The following DIP2B variants were observed in gnomAD, a reference collection of about 807,000 sequenced individuals.
DIP2B encodes the protein DIP2 acetate--CoA ligase B (putative).
A neutral mutation model predicts 198.0 loss-of-function variants in DIP2B; 76 were observed. The ratio of observed to expected loss-of-function variants is 0.38; its 90% CI spans 0.32 to 0.46. The LOEUF (loss-of-function observed/expected upper bound fraction) is 0.46, where lower values mean the gene tolerates loss of function less well. Ranked by LOEUF, DIP2B falls within the 20% of genes least tolerant of loss-of-function variation. The pLI is 0.99. For synonymous variants in DIP2B, 701 were observed against 739.1 expected, an observed-to-expected ratio of 0.95 and a Z score of 0.84; for missense variants, 1,559 against 1,978.4, an observed-to-expected ratio of 0.79 and a Z score of 4.02.
chr12:50,726,419 C>T (rs111299924), intron 28 of DIP2B, among the ~76,000 whole-genome samples: 40,460 of 151,342 alleles, frequency 0.27, 5,929 homozygotes, highest in Non-Finnish European at 0.34. Context: ...GGCGCGATCT[C>T]GGCTCACTGC....
chr12:50,744,912 C>T lies in DIP2B; in HGVS notation c.*73C>T, dbSNP rs1396656991. 6.5e-7 allele frequency: 1 copy of T among 1,542,494 alleles called. No homozygotes were observed. Among genetic ancestry groups the T allele is most frequent in the African/African-American group, 1.4e-5 (1 of 73,080 alleles). On this transcript the variant is annotated 3_prime_UTR_variant, in exon 38 of 38. Coordinates refer to ENST00000301180, the MANE Select transcript of DIP2B (RefSeq NM_173602.3). ...CAGAAGACCTCTGGCTAAGAGCAGG[C>T]TTCAAACGATGTGAAATAAGCTGAG...
chr12:50,671,809 C>T (rs1234192826), intron 5 of DIP2B, among the ~76,000 whole-genome samples: 2 of 152,232 alleles, frequency 1.3e-5, no homozygotes, highest in Admixed American at 1.3e-4. Context: ...AAAATCTATA[C>T]TGAGCCAATA....
intron 1 of DIP2B, among the ~76,000 whole-genome samples, chr12:50,601,251 T>A (rs1350704018): frequency 6.6e-6 from 1 of 152,170 alleles, no homozygotes; most frequent in Non-Finnish European, 1.5e-5. Flanking sequence ...TGTGTGTTTA[T>A]GTGTATAGTA....
At position 50,630,616 on chromosome 12, in the gene DIP2B, A is replaced by G. The variant is rs186007943; in HGVS notation, c.172+4569A>G. Among the ~76,000 whole-genome samples, 1,069 of 151,750 alleles carry G rather than the reference A, an allele frequency of 7.0e-3. 8 individuals are homozygous for G. The highest frequency in any genetic ancestry group is 0.013 in the Non-Finnish European group (855 of 67,924). On this transcript the variant is annotated intron_variant, in intron 2 of 37. Transcript: ENST00000301180. ...CATCTTAATTCTCTTAAAGGACACA[A>G]GGACTTTAGAATGCTTTGATGTTGA...
rs547717976 is a variant in DIP2B, at chr12:50,563,980, C to T, written c.100+58740C>T. On this transcript the variant is annotated intron_variant, in intron 1 of 37. Coordinates refer to ENST00000301180, the MANE Select transcript of DIP2B (RefSeq NM_173602.3). The stretch of plus-strand genomic sequence containing the variant: ...GGTCTGTGCAAGTCCTCTCTCTTAG[C>T]TCTTCAGATTAATTAATTTCTTTTT... 5.3e-5 allele frequency among the ~76,000 whole-genome samples: 8 copies of T among 152,216 alleles called. No individual in the cohort carries two copies. The South Asian group carries it at 1.7e-3, about 32-fold the overall frequency.
intron 1 of DIP2B, among the ~76,000 whole-genome samples, chr12:50,518,371 C>T (rs911160004): frequency 6.6e-6 from 1 of 152,012 alleles, no homozygotes; most frequent in African/African-American, 2.4e-5. Flanking sequence ...ATTACAGGCA[C>T]CCGCTACCAT....
Position 50,600,919 on chromosome 12 carries a change from CACCACCACCACCACCACCACT to C in DIP2B, c.101-25040_101-25020del, listed in dbSNP as rs1375906371. 3.9e-3 allele frequency among the ~76,000 whole-genome samples: 591 copies of C among 149,664 alleles called. 2 individuals carry two copies. Among genetic ancestry groups the C allele is most frequent in the African/African-American group, 0.014 (551 of 40,582 alleles). On this transcript the variant is annotated intron_variant, in intron 1 of 37. Coordinates refer to ENST00000301180, the MANE Select transcript of DIP2B (RefSeq NM_173602.3). ...TCACCACCACCACCACCACCACCACCACCACCACCACCACCACCACTACCACCACCACCACCAGGTGTAGTT... is the reference window on the plus strand; with the variant it reads ...TCACCACCACCACCACCACCACCACCACCACCACCACCACCAGGTGTAGTT...
At chr12:50,559,483 G>A (rs1176344411) in intron 1 of DIP2B, among the ~76,000 whole-genome samples, 1 of 152,004 alleles carries the variant, frequency 6.6e-6, no homozygotes, top group African/African-American at 2.4e-5. Context: ...TCTCATGCCT[G>A]TAATCCCAGC....
chr12:50,723,473 C>T (rs1043218660), intron 27 of DIP2B, 150 bp downstream of exon 27: 10 of 1,136,636 alleles, frequency 8.8e-6, no homozygotes, highest in Non-Finnish European at 1.2e-5. Context: ...CCAGCCAAAG[C>T]AGTCATCATT....
At chr12:50,738,803 A>G (rs529195922) in intron 35 of DIP2B, among the ~76,000 whole-genome samples, 109 of 152,316 alleles carry the variant, frequency 7.2e-4, no homozygotes, top group Non-Finnish European at 6.8e-4. Context: ...TTTAAATGTT[A>G]GTAGTAGCAC....
chr12:50,549,484 C>T (rs1443092886), intron 1 of DIP2B, among the ~76,000 whole-genome samples: 5 of 146,830 alleles, frequency 3.4e-5, no homozygotes, highest in South Asian at 2.2e-4. Flanking sequence ...GAGCTGAGAC[C>T]GCGCCACTGC....
intron 3 of DIP2B, among the ~76,000 whole-genome samples, chr12:50,645,435 A>G (rs1476882414): frequency 6.6e-6 from 1 of 151,916 alleles, no homozygotes; most frequent in Non-Finnish European, 1.5e-5. Context: ...GTATTTGTGC[A>G]AATATGGAAG....
chr12:50,620,242 C>T (rs1937784737), intron 1 of DIP2B, among the ~76,000 whole-genome samples: 1 of 152,180 alleles, frequency 6.6e-6, no homozygotes, highest in African/African-American at 2.4e-5. Context: ...TTTTAGGAGG[C>T]TTGGGTGGCT....
intron 22 of DIP2B, among the ~76,000 whole-genome samples, 173 bp downstream of exon 22, chr12:50,708,735 C>A (rs748870687): frequency 3.3e-5 from 5 of 152,194 alleles, no homozygotes; most frequent in Non-Finnish European, 7.3e-5. Flanking sequence ...CCTTGTGGAC[C>A]ACATGGTATT....
intron 1 of DIP2B, among the ~76,000 whole-genome samples, chr12:50,609,949 A>G (rs1429367955): frequency 1.3e-5 from 2 of 152,246 alleles, no homozygotes; most frequent in Non-Finnish European, 1.5e-5. Flanking sequence ...TGTTATAACT[A>G]ATAAAGGAAG....
chr12:50,645,853 C>A (rs1157147589), intron 3 of DIP2B, among the ~76,000 whole-genome samples: 1 of 151,792 alleles, frequency 6.6e-6, no homozygotes, highest in East Asian at 1.9e-4. Flanking sequence ...ATATTTATAG[C>A]ATTATTATGT....
chr12:50,669,661 G>A (rs758600558), intron 4 of DIP2B, among the ~76,000 whole-genome samples: 3 of 152,192 alleles, frequency 2.0e-5, no homozygotes, highest in Non-Finnish European at 4.4e-5. Context: ...CTGACGTCAA[G>A]TGATCCACCT....
At chr12:50,556,785 C>T (rs1958475609) in intron 1 of DIP2B, among the ~76,000 whole-genome samples, 2 of 152,148 alleles carry the variant, frequency 1.3e-5, no homozygotes, top group African/African-American at 4.8e-5. Flanking sequence ...TCTTGGCTCA[C>T]TGCAACCTCC....
intron 1 of DIP2B, among the ~76,000 whole-genome samples, chr12:50,519,086 A>G (rs1192190695): frequency 1.3e-5 from 2 of 151,848 alleles, no homozygotes; most frequent in African/African-American, 4.8e-5. Context: ...GGCTCCCTGG[A>G]GGGAGAAGAA....
Sources: gnomAD v4.1 joint callset for allele counts (sites outside exome capture counted in the v4.1 genomes callset) on GRCh38, gnomAD v4.1.1 for gene constraint, MANE v1.5 for transcripts, NCBI Gene and HGNC (gene_info 2026-07-23, HGNC 2026-07-21) for gene names.